The following CA10 variants were observed in gnomAD, a reference collection of about 807,000 sequenced individuals.
CA10 encodes the protein carbonic anhydrase-related protein 10.
In CA10, 14 loss-of-function variants were observed where a neutral mutation model predicts 44.2. The ratio of observed to expected loss-of-function variants is 0.32; its 90% CI spans 0.21 to 0.50. The LOEUF (loss-of-function observed/expected upper bound fraction) is 0.50. Among genes scored for constraint, CA10 ranks in the 20% least tolerant of loss-of-function variants. The pLI is 0.99. For synonymous variants in CA10, 159 were observed against 141.6 expected (o/e 1.12, Z -0.87); for missense variants, 350 against 409.7 (o/e 0.85, Z 1.26).
chr17:51,866,563 C>T (rs757550420), intron 3 of CA10, among the ~76,000 whole-genome samples: 125 of 152,202 alleles, frequency 8.2e-4, no homozygotes, highest in Non-Finnish European at 1.4e-3. Context: ...AAGACCTCTG[C>T]CTCTTAATTG....
intron 3 of CA10, among the ~76,000 whole-genome samples, chr17:51,773,233 T>C (rs1905678337): frequency 6.6e-6 from 1 of 152,200 alleles, no homozygotes; most frequent in Non-Finnish European, 1.5e-5. Flanking sequence ...GGAAGCCAGG[T>C]TGGAGTGATA....
chr17:51,716,904 T>A (rs1916131798), intron 4 of CA10, among the ~76,000 whole-genome samples: 1 of 152,198 alleles, frequency 6.6e-6, no homozygotes. Context: ...TATAGTCTTC[T>A]GAGCTTTGAA....
At chr17:52,055,068 T>A (rs1987186998) in intron 2 of CA10, among the ~76,000 whole-genome samples, 1 of 151,958 alleles carries the variant, frequency 6.6e-6, no homozygotes, top group Non-Finnish European at 1.5e-5. Context: ...TATATCCCAG[T>A]GACATTTTTG....
rs773053043 is a variant in CA10, at chr17:51,633,655, GGA to G, written c.790-7_790-6del. Reference sequence around the variant, plus strand: ...GAGCAGGCGCAAGGAATGCATCTGAGGAGAGAGAAGTGGCCGTGAGATCCAAC... The same window carrying G: ...GAGCAGGCGCAAGGAATGCATCTGAGGAGAGAAGTGGCCGTGAGATCCAAC... On this transcript the variant is annotated splice_polypyrimidine_tract_variant and splice_region_variant and intron_variant, in intron 7 of 8. Coordinates refer to ENST00000451037, the MANE Select transcript of CA10 (RefSeq NM_020178.5). The G allele has an allele frequency of 1.2e-6, 2 of 1,611,414 alleles. No homozygotes were observed. The highest frequency in any genetic ancestry group is 1.3e-5 in the African/African-American group (1 of 74,880).
At chr17:52,011,519 T>C (rs1985795792) in intron 2 of CA10, among the ~76,000 whole-genome samples, 1 of 152,050 alleles carries the variant, frequency 6.6e-6, no homozygotes, top group South Asian at 2.1e-4. Flanking sequence ...TCAATTATAT[T>C]AACCAATATA....
chr17:51,746,371 A>G (rs1318995978), intron 4 of CA10, among the ~76,000 whole-genome samples: 1 of 152,244 alleles, frequency 6.6e-6, no homozygotes, highest in African/African-American at 2.4e-5. Flanking sequence ...AGAAGGCTCA[A>G]GTAACATCCC....
At chr17:52,127,953 C>T (rs1366843602) in intron 1 of CA10, among the ~76,000 whole-genome samples, 1 of 152,218 alleles carries the variant, frequency 6.6e-6, no homozygotes, top group Non-Finnish European at 1.5e-5. Flanking sequence ...TATCTCAATA[C>T]ATCCTCAAAA....
intron 8 of CA10, 91 bp from the exon 9 acceptor site, chr17:51,631,697 T>C: frequency 9.0e-7 from 1 of 1,108,776 alleles, no homozygotes; most frequent in South Asian, 1.3e-5. Context: ...AGAGAATTCC[T>C]CCAGAGGGGA....
At chr17:52,047,033 A>T (rs989472583) in intron 2 of CA10, among the ~76,000 whole-genome samples, 1 of 152,012 alleles carries the variant, frequency 6.6e-6, no homozygotes, top group Non-Finnish European at 1.5e-5. Context: ...ATGAATGTTC[A>T]TAAGTTTTAT....
chr17:51,873,548 T>A (rs1979914558), intron 3 of CA10, among the ~76,000 whole-genome samples: 2 of 152,188 alleles, frequency 1.3e-5, no homozygotes, highest in Non-Finnish European at 1.5e-5. Flanking sequence ...TACAACGTAC[T>A]TGTTTGAAAT....
At chr17:52,054,018 T>G (rs905080677) in intron 2 of CA10, among the ~76,000 whole-genome samples, 1 of 152,132 alleles carries the variant, frequency 6.6e-6, no homozygotes, top group African/African-American at 2.4e-5. Flanking sequence ...AGAGCATGTG[T>G]GTTTGAACAA....
intron 4 of CA10, among the ~76,000 whole-genome samples, chr17:51,658,645 T>C (rs1597967735): frequency 6.6e-6 from 1 of 152,142 alleles, no homozygotes; most frequent in Non-Finnish European, 1.5e-5. Flanking sequence ...ATGGGACCAG[T>C]TCATGCAAGG....
At chr17:52,007,132 A>G (rs914299237) in intron 2 of CA10, among the ~76,000 whole-genome samples, 2 of 151,606 alleles carry the variant, frequency 1.3e-5, no homozygotes, top group Non-Finnish European at 3.0e-5. Flanking sequence ...CCTTTTAAAC[A>G]CCCTTCTAAC....
chr17:52,062,956 C>T (rs549648387), intron 2 of CA10, among the ~76,000 whole-genome samples: 11 of 152,318 alleles, frequency 7.2e-5, no homozygotes, highest in South Asian at 2.1e-4. Context: ...TATTAGATTC[C>T]AAACTGTAAA....
intron 1 of CA10, among the ~76,000 whole-genome samples, chr17:52,133,939 G>A (rs956943368): frequency 4.6e-5 from 7 of 152,168 alleles, no homozygotes; most frequent in Admixed American, 6.5e-5. Context: ...GGGTGCATGC[G>A]AGGGGAGGCA....
chr17:51,900,541 T>A (rs1255298380), intron 3 of CA10, among the ~76,000 whole-genome samples: 1 of 152,124 alleles, frequency 6.6e-6, no homozygotes, highest in Non-Finnish European at 1.5e-5. Context: ...CTCACAGAGG[T>A]TCTCTGTATT....
chr17:52,074,119 C>T (rs1987756420), intron 1 of CA10, among the ~76,000 whole-genome samples: 1 of 152,122 alleles, frequency 6.6e-6, no homozygotes, highest in African/African-American at 2.4e-5. Context: ...AGGAGAATCC[C>T]AAAGGCTTAG....
At chr17:52,008,646 C>T (rs140972701) in intron 2 of CA10, among the ~76,000 whole-genome samples, 30 of 151,642 alleles carry the variant, frequency 2.0e-4, no homozygotes, top group African/African-American at 6.8e-4. Flanking sequence ...CAGTATCTTT[C>T]TTTTACTTAG....
chr17:51,928,906 T>C (rs1302316045), intron 3 of CA10, among the ~76,000 whole-genome samples: 2 of 152,164 alleles, frequency 1.3e-5, no homozygotes, highest in African/African-American at 4.8e-5. Context: ...CTATATTTTA[T>C]TTTCTACCTT....
Sources: gnomAD v4.1 joint callset for allele counts (sites outside exome capture counted in the v4.1 genomes callset) on GRCh38, gnomAD v4.1.1 for gene constraint, MANE v1.5 for transcripts, NCBI Gene and HGNC (gene_info 2026-07-23, HGNC 2026-07-21) for gene names.